The following EDC3 variants were observed in gnomAD, a reference collection of about 807,000 sequenced individuals.
EDC3 encodes enhancer of mRNA decapping 3, also known as enhancer of mRNA-decapping protein 3.
Under a neutral mutation model 41.8 loss-of-function variants are expected in EDC3, and 20 were observed. The ratio of observed to expected loss-of-function variants is 0.48; its 90% CI spans 0.34 to 0.70. EDC3 has a LOEUF of 0.70. Among genes scored for constraint, EDC3 ranks in the 30% least tolerant of loss-of-function variants. The probability of loss-of-function intolerance (pLI) is 0.01; values close to 1 mark genes in which losing one functional copy is unlikely to be tolerated. For synonymous variants in EDC3, 206 were observed against 243.2 expected (o/e 0.85, Z 1.42); for missense variants, 444 against 636.8 (o/e 0.70, Z 3.26).
intron 1 of EDC3, among the ~76,000 whole-genome samples, chr15:74,692,032 G>C (rs1307714068): frequency 6.6e-6 from 1 of 152,068 alleles, no homozygotes; most frequent in Non-Finnish European, 1.5e-5. Context: ...TGTTAGCCAG[G>C]ATGGTCTCGA....
intron 2 of EDC3, among the ~76,000 whole-genome samples, chr15:74,673,345 T>C (rs1202558664): frequency 6.6e-6 from 1 of 152,190 alleles, no homozygotes; most frequent in Non-Finnish European, 1.5e-5. Context: ...GAAGAGTTTA[T>C]TATGACTCCT....
intron 3 of EDC3, among the ~76,000 whole-genome samples, chr15:74,659,272 G>C (rs1446615624): frequency 6.6e-6 from 1 of 151,908 alleles, no homozygotes; most frequent in East Asian, 1.9e-4. Flanking sequence ...AGACCAGCCT[G>C]ATCAACATGG....
Position 74,656,054 on chromosome 15 carries a change from T to C in EDC3, c.499A>G (p.Arg167Gly), listed in dbSNP as rs1357966130. 6.2e-7 allele frequency: 1 copy of C among 1,611,188 alleles called. No homozygotes were observed. The highest frequency in any genetic ancestry group is 8.5e-7 in the Non-Finnish European group (1 of 1,178,144). ...TTGGGAGTTGCCTGATTTGGGTGCCTGCTACTAGATGACCCTGGAGAAAAA... is the reference window on the plus strand; with the variant it reads ...TTGGGAGTTGCCTGATTTGGGTGCCCGCTACTAGATGACCCTGGAGAAAAA... ...RRHNSWSSSSRHPNQATPKKS... is the reference protein window; with the variant it reads ...RRHNSWSSSSGHPNQATPKKS... Residue 167 changes from arginine to glycine, a missense_variant, in exon 4 of 7, where the codon AGG becomes GGG. Transcript: ENST00000315127.
At position 74,672,042 on chromosome 15, in the gene EDC3, A is replaced by G. The variant is rs534117821; in HGVS notation, c.165-268T>C. Among the ~76,000 whole-genome samples the G allele has an allele frequency of 3.9e-5, 6 of 151,926 alleles. No individual in the cohort carries two copies. In the South Asian group the frequency reaches 1.0e-3, roughly 26 times the overall value. ...TTTGGGAGGCCGAGGCGGGCGGATC[A>G]CGAGGTCAGGAGATCGAGACCATCC... On this transcript the variant is annotated intron_variant, in intron 2 of 6. Transcript: ENST00000315127.
At chr15:74,685,178 T>G (rs1193352444) in intron 1 of EDC3, among the ~76,000 whole-genome samples, 12 of 151,986 alleles carry the variant, frequency 7.9e-5, no homozygotes, top group Admixed American at 6.6e-5. Flanking sequence ...GCAGATGGCT[T>G]GAGTCCAGAA....
intron 1 of EDC3, among the ~76,000 whole-genome samples, chr15:74,682,113 T>C (rs753388815): frequency 1.3e-5 from 2 of 152,164 alleles, no homozygotes; most frequent in Non-Finnish European, 2.9e-5. Context: ...AAATATTGAA[T>C]AGTACAGCTA....
chr15:74,668,242 T>G (rs2062699304), intron 3 of EDC3, among the ~76,000 whole-genome samples: 1 of 152,138 alleles, frequency 6.6e-6, no homozygotes, highest in African/African-American at 2.4e-5. Context: ...CCAAATATGA[T>G]GTGATATGCT....
Position 74,630,975 on chromosome 15 carries a change from C to T in EDC3, c.*1637G>A, listed in dbSNP as rs1207931566. 1 of 152,262 alleles carries T rather than the reference C, an allele frequency of 6.6e-6. No individual in the cohort carries two copies. The highest frequency in any genetic ancestry group is 1.5e-5 in the Non-Finnish European group (1 of 68,068). 9.4% of individuals were successfully genotyped at this position (152,262 alleles called of 1,614,324 possible). ...ACCAAAAAGCCTGTAACCTAGACTG[C>T]TCCTCAGATTTTGGCCAAGAGAGGG... is the stretch of plus-strand genomic sequence containing the variant. On this transcript the variant is annotated 3_prime_UTR_variant, in exon 7 of 7. Coordinates refer to ENST00000315127, the MANE Select transcript of EDC3 (RefSeq NM_025083.5).
At chr15:74,655,685 TAGAA>T (rs766985395) in intron 4 of EDC3, 44 bp downstream of exon 4, 1 of 1,535,296 alleles carries the variant, frequency 6.5e-7, no homozygotes, top group South Asian at 1.2e-5. Flanking sequence ...TCAAGCATAA[TAGAA>T]AGGCAACAGC....
At chr15:74,660,820 T>C (rs2062612388) in intron 3 of EDC3, among the ~76,000 whole-genome samples, 2 of 152,188 alleles carry the variant, frequency 1.3e-5, no homozygotes, top group South Asian at 4.1e-4. Flanking sequence ...AATTAAACTT[T>C]ATGAATTTTA....
At chr15:74,670,433 A>G (rs540382813) in intron 3 of EDC3, among the ~76,000 whole-genome samples, 1 of 152,096 alleles carries the variant, frequency 6.6e-6, no homozygotes, top group South Asian at 2.1e-4. Context: ...GTTTTATTTT[A>G]TATTATTTAT....
At chr15:74,659,291 C>T (rs2062592690) in intron 3 of EDC3, among the ~76,000 whole-genome samples, 1 of 151,468 alleles carries the variant, frequency 6.6e-6, no homozygotes, top group Admixed American at 6.6e-5. Flanking sequence ...GGTGAAATGC[C>T]ATCTCTACTA....
chr15:74,689,373 C>T (rs2062975289), intron 1 of EDC3, among the ~76,000 whole-genome samples: 2 of 152,186 alleles, frequency 1.3e-5, no homozygotes, highest in African/African-American at 2.4e-5. Flanking sequence ...CTTATTTACT[C>T]TTGCTTCATT....
intron 1 of EDC3, among the ~76,000 whole-genome samples, chr15:74,687,649 C>T (rs1489119795): frequency 1.3e-5 from 2 of 152,204 alleles, no homozygotes; most frequent in African/African-American, 2.4e-5. Flanking sequence ...ACTAGGATTA[C>T]AGGCATGAGC....
At chr15:74,659,813 G>C (rs887078368) in intron 3 of EDC3, among the ~76,000 whole-genome samples, 15 of 152,136 alleles carry the variant, frequency 9.9e-5, no homozygotes, top group Non-Finnish European at 2.2e-4. Context: ...TTGGGAGGCT[G>C]AGGTGGGCGG....
At chr15:74,650,437 C>T (rs965420810) in intron 4 of EDC3, among the ~76,000 whole-genome samples, 1 of 152,176 alleles carries the variant, frequency 6.6e-6, no homozygotes, top group Non-Finnish European at 1.5e-5. Context: ...TTCTCTCTGC[C>T]TGGTGAAATC....
At chr15:74,672,391 T>C (rs1255855597) in intron 2 of EDC3, among the ~76,000 whole-genome samples, 1 of 152,106 alleles carries the variant, frequency 6.6e-6, no homozygotes, top group Non-Finnish European at 1.5e-5. Flanking sequence ...AACAGGAGTA[T>C]ATAAAATACT....
intron 1 of EDC3, among the ~76,000 whole-genome samples, chr15:74,687,690 A>G (rs1032735543): frequency 6.6e-6 from 1 of 152,150 alleles, no homozygotes; most frequent in East Asian, 1.9e-4. Context: ...TAAATTTTCA[A>G]TGCAACACAA....
At chr15:74,692,904 G>A (rs1352184922) in intron 1 of EDC3, 2 of 152,262 alleles carry the variant, frequency 1.3e-5, no homozygotes, top group Non-Finnish European at 2.9e-5. Context: ...AATCTAGGAT[G>A]AAAAGTTTCA....
Sources: allele counts gnomAD v4.1 joint callset (sites outside exome capture counted in the v4.1 genomes callset), GRCh38; gene constraint gnomAD v4.1.1; transcripts MANE v1.5; gene names NCBI Gene and HGNC (gene_info 2026-07-23, HGNC 2026-07-21).